Variants in SOX5 observed in about 807,000 individuals in gnomAD.
SOX5 encodes transcription factor SOX-5.
A neutral mutation model predicts 92.0 loss-of-function variants in SOX5; 9 were observed. The observed-to-expected ratio is 0.10, with a 90% CI of 0.06 to 0.17. The LOEUF is 0.17. SOX5 is among the 10% of genes least tolerant of loss of function. The pLI, the probability that SOX5 is intolerant of heterozygous loss-of-function variation, is 1.00. For missense variants in SOX5, 642 were observed against 944.5 expected (o/e 0.68, Z 4.20); for synonymous variants, 344 against 336.3 (o/e 1.02, Z -0.25).
At chr12:23,931,299 C>A (rs775459105) in intron 1 of SOX5, among the ~76,000 whole-genome samples, 1 of 151,656 alleles carries the variant, frequency 6.6e-6, no homozygotes, top group East Asian at 1.9e-4. Context: ...TACATACATA[C>A]AATTACTTAC....
intron 3 of SOX5, among the ~76,000 whole-genome samples, chr12:24,256,101 G>C (rs1941112599): frequency 6.6e-6 from 1 of 152,190 alleles, no homozygotes; most frequent in African/African-American, 2.4e-5. Context: ...CAATGACTGA[G>C]CTGCCAAAGC....
At chr12:24,367,359 C>T (rs1339276893) in intron 2 of SOX5, among the ~76,000 whole-genome samples, 1 of 152,144 alleles carries the variant, frequency 6.6e-6, no homozygotes, top group Non-Finnish European at 1.5e-5. Context: ...GTTGTCCTAC[C>T]ACTTTGCCAA....
At chr12:24,544,177 AT>A (rs1952399772) in intron 1 of SOX5, among the ~76,000 whole-genome samples, 1 of 152,212 alleles carries the variant, frequency 6.6e-6, no homozygotes, top group South Asian at 2.1e-4. Context: ...AAAATAAAAG[AT>A]TTTAATAAGG....
intron 4 of SOX5, among the ~76,000 whole-genome samples, chr12:24,195,150 A>C (rs1202216449): frequency 6.6e-6 from 1 of 151,936 alleles, no homozygotes; most frequent in Non-Finnish European, 1.5e-5. Flanking sequence ...AAAAAAAAAA[A>C]ACACGAGAAA....
At chr12:24,055,307 A>G (rs866621464) in intron 4 of SOX5, among the ~76,000 whole-genome samples, 1 of 152,198 alleles carries the variant, frequency 6.6e-6, no homozygotes, top group African/African-American at 2.4e-5. Context: ...ATTATCAAAG[A>G]GGGATACAAT....
chr12:23,776,589 A>G (rs1247065489), intron 3 of SOX5, among the ~76,000 whole-genome samples: 1 of 152,186 alleles, frequency 6.6e-6, no homozygotes, highest in African/African-American at 2.4e-5. Context: ...CAACCTTTTT[A>G]GCACCACGGA....
In SOX5 at chr12:24,306,895, A is replaced by G. The variant is rs1793443436; in HGVS notation, c.-173-29583T>C. Among the ~76,000 whole-genome samples, 3 of 152,144 alleles carry G rather than the reference A, an allele frequency of 2.0e-5. No individual in the cohort carries two copies. The South Asian group carries it at 6.2e-4, about 31-fold the overall frequency. On this transcript the variant is annotated intron_variant, in intron 2 of 4. Coordinates refer to the SOX5 transcript ENST00000446891. ...GAAAGGAGAGAACACAGCTGGAGAC[A>G]CTGGGCAGCCTGTTCCCTCCACCAA...
chr12:24,336,214 C>T (rs1050102179), intron 2 of SOX5, among the ~76,000 whole-genome samples: 1 of 151,604 alleles, frequency 6.6e-6, no homozygotes, highest in Non-Finnish European at 1.5e-5. Context: ...CCTGCCTCAG[C>T]CCCCTGAGTA....
chr12:23,616,526 G>A (rs564046274), intron 8 of SOX5, among the ~76,000 whole-genome samples: 27 of 152,284 alleles, frequency 1.8e-4, no homozygotes, highest in African/African-American at 6.0e-4. Flanking sequence ...AGAGTCACCG[G>A]GAGGAGCAAC....
intron 1 of SOX5, among the ~76,000 whole-genome samples, chr12:24,495,202 T>C (rs1316391102): frequency 2.0e-5 from 3 of 152,202 alleles, no homozygotes; most frequent in South Asian, 4.1e-4. Flanking sequence ...CAGAGTAATA[T>C]ATCATTCAAC....
intron 4 of SOX5, among the ~76,000 whole-genome samples, chr12:23,967,104 A>C (rs1424259084): frequency 6.6e-6 from 1 of 152,188 alleles, no homozygotes; most frequent in Admixed American, 6.5e-5. Context: ...ATCTGAAATG[A>C]GCTTTTAAAA....
chr12:24,009,507 C>A (rs986138143), intron 4 of SOX5, among the ~76,000 whole-genome samples: 1 of 151,994 alleles, frequency 6.6e-6, no homozygotes, highest in Non-Finnish European at 1.5e-5. Flanking sequence ...TTCATGGGTT[C>A]TACAAATTAC....
rs1401629321 is a variant in SOX5, at chr12:23,949,585, T to C, written c.17A>G (p.Asp6Gly). Residue 6 changes from aspartate (D) to glycine (G), a missense_variant, in exon 1 of 15, where the codon GAT (aspartate) becomes GGT (glycine). Physicochemically the swap from Asp to Gly is moderately conservative, Grantham distance 94. Coordinates refer to ENST00000451604, the MANE Select transcript of SOX5 (RefSeq NM_006940.6). MLTDP[D>G]LPQEFERMSS... Reference sequence around the variant, plus strand: ...TCACCTTTCAAACTCCTGAGGTAAATCAGGGTCAGTAAGCATGCTGGAAAA... The same window carrying C: ...TCACCTTTCAAACTCCTGAGGTAAACCAGGGTCAGTAAGCATGCTGGAAAA... 2.5e-6 allele frequency: 4 copies of C among 1,613,576 alleles called. No individual in the cohort carries two copies. The highest frequency in any genetic ancestry group is 3.4e-6 in the Non-Finnish European group (4 of 1,179,650).
intron 1 of SOX5, among the ~76,000 whole-genome samples, chr12:24,461,881 T>G (rs1159031893): frequency 6.6e-6 from 1 of 152,240 alleles, no homozygotes; most frequent in Non-Finnish European, 1.5e-5. Flanking sequence ...TAATGGCGTA[T>G]TCCCTGGTCT....
rs767702987 is a variant in SOX5, at chr12:23,662,687, CTG to C, written c.931+2755_931+2756del. ...ATTTACAATGATTAGGTTCCTTAAA[CTG>C]TGTTTCTATTTTTTTTCCTGTTGAG... On this transcript the variant is annotated intron_variant, in intron 7 of 14. Coordinates refer to ENST00000451604, the MANE Select transcript of SOX5 (RefSeq NM_006940.6). Among the ~76,000 whole-genome samples the C allele has an allele frequency of 1.4e-4, 22 of 152,232 alleles. 1 individual carries two copies. In the South Asian group the frequency reaches 2.5e-3, roughly 17 times the overall value.
chr12:23,701,914 C>G (rs1040653971), intron 6 of SOX5, among the ~76,000 whole-genome samples: 4 of 152,022 alleles, frequency 2.6e-5, no homozygotes, highest in African/African-American at 9.7e-5. Context: ...CCAAATTATG[C>G]CAATCCTTAA....
At chr12:24,464,322 AATT>A (rs1386535047) in intron 1 of SOX5, among the ~76,000 whole-genome samples, 2 of 104,374 alleles carry the variant, frequency 1.9e-5, no homozygotes, top group Non-Finnish European at 4.1e-5. Context: ...AGTGAGAGTT[AATT>A]TTTTTTTTTT....
At chr12:24,491,157 G>A (rs1947033837) in intron 1 of SOX5, among the ~76,000 whole-genome samples, 1 of 152,048 alleles carries the variant, frequency 6.6e-6, no homozygotes, top group African/African-American at 2.4e-5. Context: ...GGAGTGAAGG[G>A]CCTAGTTAAT....
intron 2 of SOX5, among the ~76,000 whole-genome samples, chr12:23,882,997 C>T (rs1299667443): frequency 2.6e-5 from 4 of 152,048 alleles, no homozygotes; most frequent in African/African-American, 9.6e-5. Flanking sequence ...CTGGCTAACA[C>T]AGTGAAACCC....
Sources: gnomAD v4.1 joint callset for allele counts (sites outside exome capture counted in the v4.1 genomes callset) on GRCh38, gnomAD v4.1.1 for gene constraint, MANE v1.5 for transcripts, NCBI Gene and HGNC (gene_info 2026-07-23, HGNC 2026-07-21) for gene names.